PIK3R2: variants seen among roughly 807,000 people sequenced by gnomAD.
The protein encoded by PIK3R2 is phosphoinositide-3-kinase regulatory subunit 2.
PIK3R2 carries 40 observed loss-of-function variants against 78.5 expected under a neutral mutation model. That is an observed-to-expected ratio of 0.51 (90% CI 0.40 to 0.66). The LOEUF (loss-of-function observed/expected upper bound fraction) is 0.66, where lower values mean the gene tolerates loss of function less well. PIK3R2 is among the 30% of genes least tolerant of loss of function. The pLI is 0.00. For synonymous variants in PIK3R2, 473 were observed against 457.7 expected (o/e 1.03, Z -0.43); for missense variants, 880 against 1,026.6 (o/e 0.86, Z 1.95).
chr19:18,161,926 G>A lies in PIK3R2; in HGVS notation c.816-40G>A. ...TCCTGTGCACATGCGTGGGCGGACA[G>A]GCCCTACCCAGCCCTCACCACACTC... On this transcript the variant is annotated intron_variant, in intron 6 of 15. Coordinates refer to ENST00000222254, the MANE Select transcript of PIK3R2 (RefSeq NM_005027.4). This position sits in a 1 kb window ranked among gnomAD's most constrained non-coding sequence, Gnocchi z 5.3. 6.5e-7 allele frequency: 1 copy of A among 1,549,020 alleles called. No individual in the cohort carries two copies. Among genetic ancestry groups the A allele is most frequent in the Non-Finnish European group, 8.9e-7 (1 of 1,121,298 alleles).
At chr19:18,158,517 A>C (rs1328934806) in intron 2 of PIK3R2, among the ~76,000 whole-genome samples, 1 of 149,944 alleles carries the variant, frequency 6.7e-6, no homozygotes. Context: ...CAACAACAAC[A>C]AAAAACGAGG....
rs575044827 is a variant in PIK3R2 at position 18,167,788 on chromosome 19, G to A, written c.1736+482G>A. Among the ~76,000 whole-genome samples the A allele has an allele frequency of 1.3e-5, 2 of 152,260 alleles. No individual in the cohort carries two copies. Among genetic ancestry groups the A allele is most frequent in the African/African-American group, 4.8e-5 (2 of 41,550 alleles). On this transcript the variant is annotated intron_variant, in intron 13 of 15. Transcript: ENST00000222254. The surrounding 1 kb of genome is among the most constrained non-coding windows in gnomAD (Gnocchi z 4.5). ...GCTGAGGCAGGAGAATCACTTGAACGGGGAGGTGGAGTTTGCAGTGAGCAG... is the reference window on the plus strand; with the variant it reads ...GCTGAGGCAGGAGAATCACTTGAACAGGGAGGTGGAGTTTGCAGTGAGCAG...
chr19:18,166,334 C>T (rs1250147625), intron 12 of PIK3R2, 32 bp downstream of exon 12: 2 of 1,585,514 alleles, frequency 1.3e-6, no homozygotes, highest in Admixed American at 3.3e-5. Flanking sequence ...TGCCCCACCC[C>T]ACCCTGATCT....
rs1319047367 is a variant in PIK3R2, at chr19:18,156,167, GC to G, written c.291del (p.Ala98ProfsTer32). 1 of 1,450,338 alleles carries G rather than the reference GC, an allele frequency of 6.9e-7. No individual in the cohort carries two copies. The highest frequency in any genetic ancestry group is 9.0e-7 in the Non-Finnish European group (1 of 1,106,424). 89.8% of individuals were successfully genotyped at this position (1,450,338 alleles called of 1,614,324 possible). A position where few individuals can be genotyped will look rare whatever the true frequency, so the allele number is the denominator to read the frequency against. On this transcript the variant is annotated frameshift_variant, in exon 2 of 16. Coordinates refer to ENST00000222254, the MANE Select transcript of PIK3R2 (RefSeq NM_005027.4). LOFTEE classifies it high-confidence loss of function. This position sits in a 1 kb window ranked among gnomAD's most constrained non-coding sequence, Gnocchi z 4.2. ...CTCGCCCACGGGGCCCCCGCCCACT[GC>G]CCGCCAGGCCCCGTGATGGGGCCCC... ...GPRPRGPRPL[P>X]ARPRDGAPEP... is the part of the protein sequence containing the mutation.
At chr19:18,166,048 AT>A in intron 11 of PIK3R2, 111 bp from the exon 12 acceptor site, 1 of 1,369,074 alleles carries the variant, frequency 7.3e-7, no homozygotes, top group South Asian at 1.2e-5. Flanking sequence ...TGACACTCTG[AT>A]AGAGGGACCA....
At position 18,168,259 on chromosome 19, in the gene PIK3R2, TGA is replaced by T. The variant is rs1214582432; in HGVS notation, c.1737-214_1737-213del. Among the ~76,000 whole-genome samples the T allele has an allele frequency of 6.6e-6, 1 of 152,038 alleles. No individual in the cohort carries two copies. Among genetic ancestry groups the T allele is most frequent in the Admixed American group, 6.5e-5 (1 of 15,268 alleles). On this transcript the variant is annotated intron_variant, in intron 13 of 15. Coordinates refer to ENST00000222254, the MANE Select transcript of PIK3R2 (RefSeq NM_005027.4). The surrounding 1 kb of genome is among the most constrained non-coding windows in gnomAD (Gnocchi z 4.1). Reference sequence around the variant, plus strand: ...ATAGGCGTTAACAGAAACAAAAAAATGAGGGGTGTGGGTCAGGGTTCCCCAGC... The same window carrying T: ...ATAGGCGTTAACAGAAACAAAAAAATGGGGTGTGGGTCAGGGTTCCCCAGC...
intron 11 of PIK3R2, 48 bp downstream of exon 11, chr19:18,163,436 T>G (rs2147953866): frequency 6.2e-7 from 1 of 1,609,524 alleles, no homozygotes; most frequent in Non-Finnish European, 8.5e-7. Flanking sequence ...AGAGGGGCAG[T>G]GGCAAGGCCG....
Position 18,161,629 on chromosome 19 carries a change from G to A in PIK3R2, c.815+134G>A, listed in dbSNP as rs1895850972. ...GTCCAGAGTGAGAAGCTGCGTTCTT[G>A]TGATGACGGAGCGGAGACCTGGGCT... is the stretch of plus-strand genomic sequence containing the variant. On this transcript the variant is annotated intron_variant, in intron 6 of 15. Transcript: ENST00000222254. This position sits in a 1 kb window ranked among gnomAD's most constrained non-coding sequence, Gnocchi z 5.3. 1 of 500,052 alleles carries A rather than the reference G, an allele frequency of 2.0e-6. No individual in the cohort carries two copies. Among genetic ancestry groups the A allele is most frequent in the Admixed American group, 3.8e-5 (1 of 26,442 alleles). 31.0% of individuals were successfully genotyped at this position (500,052 alleles called of 1,614,324 possible).
intron 1 of PIK3R2, among the ~76,000 whole-genome samples, chr19:18,154,879 C>T (rs970454137): frequency 2.7e-5 from 4 of 150,838 alleles, no homozygotes; most frequent in Non-Finnish European, 1.5e-5. Context: ...GAGTTTGCGA[C>T]CAACCTGGGC....
chr19:18,163,925 G>A (rs544239317), intron 11 of PIK3R2, among the ~76,000 whole-genome samples: 2 of 152,094 alleles, frequency 1.3e-5, no homozygotes, highest in African/African-American at 2.4e-5. Flanking sequence ...TCAGGAGTTC[G>A]AGACCAACTT....
rs536421132 is a variant in PIK3R2 at position 18,161,210 on chromosome 19, G to A, written c.598+25G>A. 2 of 1,536,330 alleles carry A rather than the reference G, an allele frequency of 1.3e-6. No individual in the cohort carries two copies. The highest frequency in any genetic ancestry group is 4.9e-5 in the East Asian group (2 of 40,794). On this transcript the variant is annotated intron_variant, in intron 5 of 15. Transcript: ENST00000222254. The surrounding 1 kb of genome is among the most constrained non-coding windows in gnomAD (Gnocchi z 5.3). ...GGTGAGCCTGGCGGGTAGCCCGGGG[G>A]AAGGAGGGGGCTGTAGCGGGTGGGA...
In PIK3R2 at chr19:18,161,609, G is replaced by C. The variant is rs1259940864; in HGVS notation, c.815+114G>C. 1 of 484,764 alleles carries C rather than the reference G, an allele frequency of 2.1e-6. No homozygotes were observed. Among genetic ancestry groups the C allele is most frequent in the Non-Finnish European group, 3.4e-6 (1 of 290,796 alleles). 30.0% of individuals were successfully genotyped at this position (484,764 alleles called of 1,614,324 possible). Reference sequence around the variant, plus strand: ...CTAAGAAGGGAGGGGATGGGGTCCAGAGTGAGAAGCTGCGTTCTTGTGATG... The same window carrying C: ...CTAAGAAGGGAGGGGATGGGGTCCACAGTGAGAAGCTGCGTTCTTGTGATG... On this transcript the variant is annotated intron_variant, in intron 6 of 15. Transcript: ENST00000222254. The surrounding 1 kb of genome is among the most constrained non-coding windows in gnomAD (Gnocchi z 5.3).
intron 9 of PIK3R2, chr19:18,162,756 G>A (rs2043763842): frequency 5.0e-6 from 3 of 604,880 alleles, no homozygotes; most frequent in Admixed American, 3.0e-5. Flanking sequence ...CAGGCATGGT[G>A]ATGGATGCCT....
rs945202102 is a variant in PIK3R2, at chr19:18,167,831, T to C, written c.1736+525T>C. ...GTGAGCAGAGATTATGCCAATGCAG[T>C]TCAGCCTGGGCAACAGAGCAACACT... is the stretch of plus-strand genomic sequence containing the variant. On this transcript the variant is annotated intron_variant, in intron 13 of 15. Transcript: ENST00000222254. The surrounding 1 kb of genome is among the most constrained non-coding windows in gnomAD (Gnocchi z 4.5). Among the ~76,000 whole-genome samples, 5 of 152,042 alleles carry C rather than the reference T, an allele frequency of 3.3e-5. No homozygotes were observed. In the East Asian group the frequency reaches 7.7e-4, roughly 23 times the overall value.
In PIK3R2 at chr19:18,168,881, A is replaced by C. The variant is rs762499879; in HGVS notation, c.1964A>C (p.Tyr655Ser). 3 of 1,612,938 alleles carry C rather than the reference A, an allele frequency of 1.9e-6. No homozygotes were observed. Among genetic ancestry groups the C allele is most frequent in the Non-Finnish European group, 2.5e-6 (3 of 1,179,466 alleles). ...LIRESSQRGC[Y>S]ACSVVVDGDT... ...CGCGAGAGCAGCCAGCGGGGCTGCT[A>C]CGCCTGCTCCGTGGTGTGAGTGGAC... Residue 655 changes from tyrosine (Y) to serine (S), a missense_variant, in exon 15 of 16, where the codon TAC becomes TCC. Transcript: ENST00000222254. The surrounding 1 kb of genome is among the most constrained non-coding windows in gnomAD (Gnocchi z 4.1).
chr19:18,160,838 G>T, intron 3 of PIK3R2, 81 bp from the exon 4 acceptor site: 1 of 1,503,490 alleles, frequency 6.7e-7, no homozygotes, highest in Admixed American at 2.0e-5. Context: ...GGAGACTGCA[G>T]GGGGGTTGAG....
In PIK3R2 at chr19:18,161,407, G is replaced by A. The variant is rs1192419238; in HGVS notation, c.727G>A (p.Val243Ile). 2 of 1,215,912 alleles carry A rather than the reference G, an allele frequency of 1.6e-6. No homozygotes were observed. The highest frequency in any genetic ancestry group is 2.0e-6 in the Non-Finnish European group (2 of 979,476). 75.3% of individuals were successfully genotyped at this position (1,215,912 alleles called of 1,614,324 possible). ...CCGCGCCCCGGCCCTGGGTCCCGCG[G>A]TCCGGGCCCTGGGCGCCACCTTTGG... ...ASRAPALGPA[V>I]RALGATFGPL... Residue 243 changes from valine (V) to isoleucine (I), a missense_variant, in exon 6 of 16, where the codon GTC (valine) becomes ATC (isoleucine). Transcript: ENST00000222254. This position sits in a 1 kb window ranked among gnomAD's most constrained non-coding sequence, Gnocchi z 5.3.
At position 18,156,335 on chromosome 19, in the gene PIK3R2, A is replaced by T; in HGVS notation, c.322+134A>T. On this transcript the variant is annotated intron_variant, in intron 2 of 15. Transcript: ENST00000222254. This position sits in a 1 kb window ranked among gnomAD's most constrained non-coding sequence, Gnocchi z 4.2. ...ATTTGGTCATTTGACAAGTGTCTTC[A>T]GTGCTAGGCTCAGCAGTGGACACAA... 1 of 692,770 alleles carries T rather than the reference A, an allele frequency of 1.4e-6. No individual in the cohort carries two copies. Among genetic ancestry groups the T allele is most frequent in the Non-Finnish European group, 2.2e-6 (1 of 451,290 alleles). The allele number at this position is 692,770 out of a possible 1,614,324, so 42.9% of individuals were successfully genotyped here. A position where few individuals can be genotyped will look rare whatever the true frequency, so the allele number is the denominator to read the frequency against.
chr19:18,167,145 C>G lies in PIK3R2; in HGVS notation c.1575C>G (p.Ser525=), dbSNP rs747994737. The change falls in exon 13 of 16, where the codon TCC becomes TCG. Residue 525 remains serine, a synonymous_variant. Transcript: ENST00000222254. The surrounding 1 kb of genome is among the most constrained non-coding windows in gnomAD (Gnocchi z 4.5). ...EKEMQRILLN[S]ERLKSRIAEI... is the part of the protein sequence containing the mutation. Reference sequence around the variant, plus strand: ...CCTCCCACAGGATCCTGCTGAACTCCGAGCGGCTCAAGTCCCGCATTGCCG... The same window carrying G: ...CCTCCCACAGGATCCTGCTGAACTCGGAGCGGCTCAAGTCCCGCATTGCCG... 5 of 1,591,772 alleles carry G rather than the reference C, an allele frequency of 3.1e-6. No homozygotes were observed. Among genetic ancestry groups the G allele is most frequent in the Non-Finnish European group, 1.7e-6 (2 of 1,167,870 alleles).
Sources: allele counts gnomAD v4.1 joint callset (sites outside exome capture counted in the v4.1 genomes callset), GRCh38; gene constraint gnomAD v4.1.1; non-coding constraint Gnocchi (gnomAD v3.1); transcripts MANE v1.5; gene names NCBI Gene and HGNC (gene_info 2026-07-23, HGNC 2026-07-21).